Variants in IFT20 observed in about 807,000 individuals in gnomAD.
The protein encoded by IFT20 is intraflagellar transport 20, also known as intraflagellar transport protein 20 homolog.
A neutral mutation model predicts 16.9 loss-of-function variants in IFT20; 4 were observed. The observed-to-expected ratio is 0.24, with a 90% confidence interval of 0.12 to 0.54. IFT20 has a LOEUF of 0.54. Among genes scored for constraint, IFT20 ranks in the 20% least tolerant of loss-of-function variants. The probability of loss-of-function intolerance (pLI) is 0.95; values close to 1 mark genes in which losing one functional copy is unlikely to be tolerated. For missense variants in IFT20, 154 were observed against 149.7 expected (o/e 1.03, Z -0.15); for synonymous variants, 48 against 49.9 (o/e 0.96, Z 0.16).
rs1040324533 is a variant in IFT20 at position 28,328,491 on chromosome 17, C to T, written c.*161G>A. On this transcript the variant is annotated 3_prime_UTR_variant, in exon 5 of 5. Transcript: ENST00000395418. ...TGTGCACTGATGTTAAAACTGGCTCCCCCAGACTTGTAGTGCTGTCTTCAG... is the reference window on the plus strand; with the variant it reads ...TGTGCACTGATGTTAAAACTGGCTCTCCCAGACTTGTAGTGCTGTCTTCAG... 2 of 640,482 alleles carry T rather than the reference C, an allele frequency of 3.1e-6. No individual in the cohort carries two copies. Among genetic ancestry groups the T allele is most frequent in the Non-Finnish European group, 5.6e-6 (2 of 357,126 alleles). 39.7% of individuals were successfully genotyped at this position (640,482 alleles called of 1,614,324 possible). A position where few individuals can be genotyped will look rare whatever the true frequency, so the allele number is the denominator to read the frequency against.
chr17:28,329,372 C>G (rs1906576997), intron 3 of IFT20, 96 bp from the exon 4 acceptor site: 19 of 930,444 alleles, frequency 2.0e-5, no homozygotes, highest in Non-Finnish European at 3.0e-5. Context: ...CTGTGTCAGT[C>G]TTCAGAGAGG....
chr17:28,329,304 C>G (rs782383840), intron 3 of IFT20, 28 bp from the exon 4 acceptor site: 8 of 1,570,586 alleles, frequency 5.1e-6, no homozygotes, highest in Non-Finnish European at 7.0e-6. Context: ...AAGGCCATGG[C>G]TTCATTAAAA....
chr17:28,329,398 C>T (rs1906578831), intron 3 of IFT20, 122 bp from the exon 4 acceptor site: 4 of 741,270 alleles, frequency 5.4e-6, no homozygotes, highest in Non-Finnish European at 9.0e-6. Flanking sequence ...AAAGTGGAGC[C>T]CCAAAGCTTT....
intron 3 of IFT20, chr17:28,330,110 C>A: frequency 3.3e-6 from 2 of 604,502 alleles, no homozygotes; most frequent in Non-Finnish European, 5.8e-6. Flanking sequence ...GTGGCACACA[C>A]CTGTAGTCCC....
At position 28,331,446 on chromosome 17, in the gene IFT20, G is replaced by A. The variant is rs188721907; in HGVS notation, c.127+413C>T. 5.0e-4 allele frequency: 85 copies of A among 169,064 alleles called. 2 individuals carry two copies. In the East Asian group the frequency reaches 0.013, roughly 25 times the overall value. 10.5% of individuals were successfully genotyped at this position (169,064 alleles called of 1,614,324 possible). On this transcript the variant is annotated intron_variant, in intron 2 of 4. Coordinates refer to ENST00000395418, the MANE Select transcript of IFT20 (RefSeq NM_001267776.2). The stretch of plus-strand genomic sequence containing the variant: ...AAGATGACTTCAGTAAGTCTGTTGA[G>A]CTGCTTCTAGAAACTTCACCTATCA...
chr17:28,331,178 CA>C (rs1555576522), intron 2 of IFT20, among the ~76,000 whole-genome samples: 1 of 152,248 alleles, frequency 6.6e-6, no homozygotes, highest in African/African-American at 2.4e-5. Flanking sequence ...TCACTTTCTC[CA>C]ATGTCCTGGA....
At chr17:28,330,389 G>A (rs781833449) in intron 3 of IFT20, 54 bp downstream of exon 3, 5 of 1,165,552 alleles carry the variant, frequency 4.3e-6, no homozygotes, top group South Asian at 1.2e-5. Context: ...GGATGAGAGG[G>A]TAGTGAACTA....
chr17:28,330,561 C>T, intron 2 of IFT20, 33 bp from the exon 3 acceptor site: 2 of 1,423,814 alleles, frequency 1.4e-6, no homozygotes, highest in Admixed American at 1.7e-5. Context: ...TAAAATATTT[C>T]CTTAGTATCA....
rs937630187 is a variant in IFT20, at chr17:28,329,835, C to T, written c.214-559G>A. On this transcript the variant is annotated intron_variant, in intron 3 of 4. Transcript: ENST00000395418. ...CAGCACTTTGGGAGGCTGAGGCGGG[C>T]GGATCACCTAAGGTTGGGAGTTTGA... The T allele has an allele frequency of 1.1e-4, 23 of 206,876 alleles. No homozygotes were observed. The South Asian group carries it at 1.5e-3, about 13-fold the overall frequency. 12.8% of individuals were successfully genotyped at this position (206,876 alleles called of 1,614,324 possible).
intron 1 of IFT20, among the ~76,000 whole-genome samples, chr17:28,334,322 C>T (rs3093675): frequency 6.6e-6 from 1 of 152,206 alleles, no homozygotes; most frequent in African/African-American, 2.4e-5. Flanking sequence ...AAAGGGGAAG[C>T]AAGGCATTGC....
chr17:28,330,611 A>C lies in IFT20; in HGVS notation c.128-83T>G, dbSNP rs1438690727. The C allele has an allele frequency of 1.5e-5, 14 of 903,786 alleles. No homozygotes were observed. The East Asian group carries it at 2.9e-4, about 19-fold the overall frequency. 56.0% of individuals were successfully genotyped at this position (903,786 alleles called of 1,614,324 possible). A position where few individuals can be genotyped will look rare whatever the true frequency, so the allele number is the denominator to read the frequency against. ...TAGAGTGCTAAGGCAGTGAGAGGGC[A>C]GAGCGGACTGCCCCTTCTAATTTGT... On this transcript the variant is annotated intron_variant, in intron 2 of 4. Transcript: ENST00000395418.
Position 28,328,471 on chromosome 17 carries a change from A to G in IFT20, c.*181T>C. The G allele has an allele frequency of 3.2e-6, 2 of 618,622 alleles. No individual in the cohort carries two copies. Among genetic ancestry groups the G allele is most frequent in the South Asian group, 1.9e-5 (1 of 52,034 alleles). The allele number at this position is 618,622 out of a possible 1,614,324, so 38.3% of individuals were successfully genotyped here. A position where few individuals can be genotyped will look rare whatever the true frequency, so the allele number is the denominator to read the frequency against. On this transcript the variant is annotated 3_prime_UTR_variant, in exon 5 of 5. Transcript: ENST00000395418. Reference sequence around the variant, plus strand: ...GCAGGGCCACCAGCAGCAGCTGTGCACTGATGTTAAAACTGGCTCCCCCAG... The same window carrying G: ...GCAGGGCCACCAGCAGCAGCTGTGCGCTGATGTTAAAACTGGCTCCCCCAG...
intron 2 of IFT20, 188 bp downstream of exon 2, chr17:28,331,671 G>A (rs1906790372): frequency 1.6e-6 from 1 of 619,550 alleles, no homozygotes; most frequent in Admixed American, 2.8e-5. Context: ...GGTTTGACTG[G>A]TGCCCTGTTG....
chr17:28,333,108 A>ACACACACACACAC (rs1906907204), intron 1 of IFT20, among the ~76,000 whole-genome samples: 1 of 55,726 alleles, frequency 1.8e-5, no homozygotes, highest in African/African-American at 6.8e-5. Flanking sequence ...CACACACACA[A>ACACACACACACAC]TTAAACATAG....
At chr17:28,328,892 G>T in intron 4 of IFT20, 159 bp from the exon 5 acceptor site, 1 of 650,692 alleles carries the variant, frequency 1.5e-6, no homozygotes, top group South Asian at 2.0e-5. Context: ...AGCCACCCAT[G>T]AGAAATCTCC....
At position 28,331,969 on chromosome 17, in the gene IFT20, AG is replaced by A; in HGVS notation, c.16del (p.Leu6TrpfsTer11). 6.2e-7 allele frequency: 1 copy of A among 1,614,226 alleles called. No individual in the cohort carries two copies. Among genetic ancestry groups the A allele is most frequent in the Non-Finnish European group, 8.5e-7 (1 of 1,180,036 alleles). On this transcript the variant is annotated frameshift_variant, in exon 2 of 5. Coordinates refer to ENST00000395418, the MANE Select transcript of IFT20 (RefSeq NM_001267776.2). LOFTEE classifies it high-confidence loss of function. Reference protein sequence around the residue: MAKDILGEAGLHFDEL... With the variant: MAKDIXGEAGLHFDEL... ...ATCAAAGTGTAGCCCTGCTTCACCCAGGATGTCCTTGGCCATGGCTGTAAAG... is the reference window on the plus strand; with the variant it reads ...ATCAAAGTGTAGCCCTGCTTCACCCAGATGTCCTTGGCCATGGCTGTAAAG...
In IFT20 at chr17:28,328,536, G is replaced by A. The variant is rs1555575882; in HGVS notation, c.*116C>T. 5.7e-6 allele frequency: 4 copies of A among 703,112 alleles called. No individual in the cohort carries two copies. Among genetic ancestry groups the A allele is most frequent in the Non-Finnish European group, 1.0e-5 (4 of 400,790 alleles). The allele number at this position is 703,112 out of a possible 1,614,324, so 43.6% of individuals were successfully genotyped here. On this transcript the variant is annotated 3_prime_UTR_variant, in exon 5 of 5. Transcript: ENST00000395418. ...CTTCAGGGGGCTGCATTCCTTACAC[G>A]CCACCTCTTGTGACATAGGTCATTG...
At chr17:28,329,655 G>C (rs1906601492) in intron 3 of IFT20, 1 of 173,144 alleles carries the variant, frequency 5.8e-6, no homozygotes, top group South Asian at 1.8e-4. Flanking sequence ...GCCAGGTGTG[G>C]TGGCTCACAC....
intron 2 of IFT20, chr17:28,331,640 C>T: frequency 1.8e-6 from 1 of 542,740 alleles, no homozygotes; most frequent in South Asian, 2.6e-5. Flanking sequence ...AAGACACCCT[C>T]CCCTCCCCAT....
Sources: allele counts gnomAD v4.1 joint callset (sites outside exome capture counted in the v4.1 genomes callset), GRCh38; gene constraint gnomAD v4.1.1; transcripts MANE v1.5; gene names NCBI Gene and HGNC (gene_info 2026-07-23, HGNC 2026-07-21).